The following NPRL3 variants were observed in gnomAD, a reference collection of about 807,000 sequenced individuals.
NPRL3 encodes NPR3 like, GATOR1 complex subunit, also known as GATOR1 complex protein NPRL3.
In NPRL3, 23 loss-of-function variants were observed where a neutral mutation model predicts 57.2. The ratio of observed to expected loss-of-function variants is 0.40; its 90% CI spans 0.29 to 0.57. The LOEUF is 0.57. Among genes scored for constraint, NPRL3 ranks in the 20% least tolerant of loss-of-function variants. The pLI is 0.42. For synonymous variants in NPRL3, 333 were observed against 321.1 expected, an observed-to-expected ratio of 1.04 and a Z score of -0.39; for missense variants, 691 against 767.1, an observed-to-expected ratio of 0.90 and a Z score of 1.17.
At chr16:116,017 T>C (rs1329412064) in intron 5 of NPRL3, among the ~76,000 whole-genome samples, 1 of 152,206 alleles carries the variant, frequency 6.6e-6, no homozygotes, top group Non-Finnish European at 1.5e-5. Flanking sequence ...GTTGTAAAAG[T>C]TGCTTGTTTT....
Position 100,404 on chromosome 16 carries a change from T to G in NPRL3, c.735A>C (p.Pro245=), listed in dbSNP as rs775687534. The stretch of plus-strand genomic sequence containing the variant: ...CTTTCAGGCTCCGTTCGATGGCCTC[T>G]GGGGGGATCAGACTGGAGGCCGCAT... ...IHYAASSLIP[P]EAIERSLKAI... The change falls in exon 8 of 14, where the codon CCA becomes CCC. Residue 245 remains proline, a synonymous_variant. Transcript: ENST00000611875. The G allele has an allele frequency of 1.7e-5, 27 of 1,599,592 alleles. No individual in the cohort carries two copies. Among genetic ancestry groups the G allele is most frequent in the Non-Finnish European group, 2.2e-5 (26 of 1,174,088 alleles).
At chr16:100,557 T>C (rs1899238057) in intron 7 of NPRL3, 48 bp from the exon 8 acceptor site, 2 of 1,432,836 alleles carry the variant, frequency 1.4e-6, no homozygotes, top group Admixed American at 5.4e-5. Flanking sequence ...TTTCTAACCA[T>C]GCACACAGAT....
chr16:92,582 C>T lies in NPRL3; in HGVS notation c.1161+14G>A, dbSNP rs762854396. 1 of 1,612,002 alleles carries T rather than the reference C, an allele frequency of 6.2e-7. No homozygotes were observed. ...CACCTGCCACTCTGGGCTCCTTGAG[C>T]TTCTGTGACTCACCTCCTGCACAGC... On this transcript the variant is annotated intron_variant, in intron 11 of 13. Coordinates refer to ENST00000611875, the MANE Select transcript of NPRL3 (RefSeq NM_001077350.3).
intron 6 of NPRL3, 76 bp downstream of exon 6, chr16:112,546 C>A: frequency 7.5e-7 from 1 of 1,330,360 alleles, no homozygotes; most frequent in South Asian, 1.9e-5. Context: ...AATGACAGCC[C>A]CTCCACAGAG....
At chr16:93,572 T>TG (rs1898859060) in intron 9 of NPRL3, among the ~76,000 whole-genome samples, 1 of 151,644 alleles carries the variant, frequency 6.6e-6, no homozygotes, top group African/African-American at 2.4e-5. Context: ...TGGTTTTTTT[T>TG]TTTTTTTTTT....
intron 6 of NPRL3, among the ~76,000 whole-genome samples, chr16:111,254 G>A (rs1288641215): frequency 6.6e-6 from 1 of 151,746 alleles, no homozygotes; most frequent in East Asian, 2.0e-4. Context: ...CAAAAAATTA[G>A]CCGGGCGTGG....
intron 3 of NPRL3, among the ~76,000 whole-genome samples, chr16:127,951 G>C (rs536188409): frequency 6.6e-6 from 1 of 151,604 alleles, no homozygotes; most frequent in African/African-American, 2.4e-5. Context: ...CACTGCGCCC[G>C]GCCGCAAGTG....
At chr16:126,599 G>C (rs1900530600) in intron 3 of NPRL3, among the ~76,000 whole-genome samples, 1 of 152,116 alleles carries the variant, frequency 6.6e-6, no homozygotes, top group African/African-American at 2.4e-5. Context: ...TGTCCACACA[G>C]AGAGGGACAT....
chr16:116,667 CA>C (rs895637154), intron 5 of NPRL3, among the ~76,000 whole-genome samples: 14 of 151,476 alleles, frequency 9.2e-5, no homozygotes, highest in Admixed American at 2.7e-4. Flanking sequence ...ACAAAAAATA[CA>C]AAAATTAGCA....
chr16:119,655 C>T (rs1012783252), intron 3 of NPRL3, among the ~76,000 whole-genome samples: 3 of 152,220 alleles, frequency 2.0e-5, no homozygotes, highest in African/African-American at 4.8e-5. Flanking sequence ...CTGTGCTGCA[C>T]CTTCAACTCC....
At chr16:90,037 A>C in intron 11 of NPRL3, 135 bp from the exon 12 acceptor site, 1 of 844,582 alleles carries the variant, frequency 1.2e-6, no homozygotes, top group Non-Finnish European at 1.7e-6. Flanking sequence ...CCCTCTTCTC[A>C]GAAAGGGAGC....
chr16:109,705 G>C (rs1399730626), intron 7 of NPRL3, among the ~76,000 whole-genome samples: 3 of 152,130 alleles, frequency 2.0e-5, no homozygotes, highest in African/African-American at 7.2e-5. Context: ...CAACACACGA[G>C]ATGCCTCTTC....
At chr16:112,909 A>G in intron 5 of NPRL3, 134 bp from the exon 6 acceptor site, 1 of 866,758 alleles carries the variant, frequency 1.2e-6, no homozygotes. Flanking sequence ...CCTTTCCCCC[A>G]GGCTCCTTTG....
intron 3 of NPRL3, among the ~76,000 whole-genome samples, chr16:130,084 C>A (rs1216024240): frequency 6.6e-6 from 1 of 152,130 alleles, no homozygotes; most frequent in East Asian, 1.9e-4. Context: ...GCTCTAAGCC[C>A]CACTGCCCAT....
At chr16:125,727 G>A (rs8051955) in intron 3 of NPRL3, 52,921 of 151,944 alleles carry the variant, frequency 0.35, 10,202 homozygotes, top group Non-Finnish European at 0.45. Flanking sequence ...CAGCATGGAT[G>A]CGATGGCTGG....
intron 7 of NPRL3, among the ~76,000 whole-genome samples, chr16:106,109 G>C (rs1899515876): frequency 6.6e-6 from 1 of 151,842 alleles, no homozygotes. Flanking sequence ...AGGAGTTCAA[G>C]ACCAGGCTGG....
At position 86,810 on chromosome 16, in the gene NPRL3, C is replaced by T. The variant is rs775180844; in HGVS notation, c.1605G>A (p.Thr535=). The T allele has an allele frequency of 2.5e-6, 4 of 1,612,744 alleles. No homozygotes were observed. Among genetic ancestry groups the T allele is most frequent in the Admixed American group, 3.3e-5 (2 of 59,858 alleles). Residue 535 remains threonine, a synonymous_variant, in exon 14 of 14, where the codon ACG becomes ACA. Transcript: ENST00000611875. Reference sequence around the variant, plus strand: ...ACAGCATGAGCAGCTGGGAGCGCCGCGTGTTCTCGTTGTACATAATCTCCT... The same window carrying T: ...ACAGCATGAGCAGCTGGGAGCGCCGTGTGTTCTCGTTGTACATAATCTCCT... ...HLEEIMYNEN[T]RRSQLLMLFD...
intron 5 of NPRL3, among the ~76,000 whole-genome samples, chr16:113,091 A>G (rs1289173099): frequency 6.6e-6 from 1 of 152,118 alleles, no homozygotes; most frequent in Non-Finnish European, 1.5e-5. Context: ...AGGAAGAACA[A>G]CAATGGTGCC....
At chr16:91,772 C>T (rs368036306) in intron 11 of NPRL3, among the ~76,000 whole-genome samples, 1 of 152,328 alleles carries the variant, frequency 6.6e-6, no homozygotes, top group African/African-American at 2.4e-5. Context: ...ATAGATCTGG[C>T]ACTTACTCAG....
Sources: gnomAD v4.1 joint callset for allele counts (sites outside exome capture counted in the v4.1 genomes callset) on GRCh38, gnomAD v4.1.1 for gene constraint, MANE v1.5 for transcripts, NCBI Gene and HGNC (gene_info 2026-07-23, HGNC 2026-07-21) for gene names.